The following EXOC4 variants were observed in gnomAD, a reference collection of about 807,000 sequenced individuals.
EXOC4 encodes exocyst complex component 4.
A neutral mutation model predicts 107.2 loss-of-function variants in EXOC4; 71 were observed. The ratio of observed to expected loss-of-function variants is 0.66; its 90% CI spans 0.55 to 0.81. The LOEUF (loss-of-function observed/expected upper bound fraction) is 0.81. Ranked by LOEUF, EXOC4 falls within the 30% of genes least tolerant of loss-of-function variation. The pLI, the probability that EXOC4 is intolerant of heterozygous loss-of-function variation, is 0.00. For synonymous variants in EXOC4, 456 were observed against 441.2 expected (o/e 1.03, Z -0.42); for missense variants, 1,108 against 1,189.6 (o/e 0.93, Z 1.01).
At chr7:133,421,449 A>G (rs987205865) in intron 7 of EXOC4, among the ~76,000 whole-genome samples, 17 of 152,156 alleles carry the variant, frequency 1.1e-4, no homozygotes, top group Non-Finnish European at 7.3e-5. Context: ...GAATCCAAGG[A>G]AATTGTGGTA....
intron 14 of EXOC4, among the ~76,000 whole-genome samples, chr7:133,966,896 G>A (rs1417390545): frequency 6.6e-6 from 1 of 152,168 alleles, no homozygotes; most frequent in African/African-American, 2.4e-5. Flanking sequence ...GTTTCATAAG[G>A]AATGGCACCA....
chr7:133,770,935 A>G (rs148022430), intron 10 of EXOC4, among the ~76,000 whole-genome samples: 3 of 152,074 alleles, frequency 2.0e-5, no homozygotes, highest in East Asian at 1.9e-4. Flanking sequence ...ATTCTGAAAT[A>G]TATCTGGTCC....
intron 10 of EXOC4, among the ~76,000 whole-genome samples, chr7:133,749,749 A>G (rs983692517): frequency 1.3e-5 from 2 of 152,156 alleles, no homozygotes; most frequent in African/African-American, 4.8e-5. Flanking sequence ...TTAAACTTCA[A>G]AGGAATAATA....
At chr7:133,643,198 C>A (rs1368101793) in intron 10 of EXOC4, among the ~76,000 whole-genome samples, 1 of 152,158 alleles carries the variant, frequency 6.6e-6, no homozygotes, top group African/African-American at 2.4e-5. Context: ...CAATAGCCTG[C>A]AGGCTGGGGA....
intron 10 of EXOC4, among the ~76,000 whole-genome samples, chr7:133,694,069 T>G (rs888342198): frequency 2.6e-5 from 4 of 151,940 alleles, no homozygotes; most frequent in Admixed American, 6.6e-5. Context: ...ATTGAGACCA[T>G]CCTGGCCAAC....
chr7:133,433,556 A>T (rs1190560298), intron 7 of EXOC4, among the ~76,000 whole-genome samples: 1 of 152,230 alleles, frequency 6.6e-6, no homozygotes, highest in African/African-American at 2.4e-5. Flanking sequence ...ATGAGCATAT[A>T]TGTGAGCAAG....
intron 10 of EXOC4, among the ~76,000 whole-genome samples, chr7:133,710,765 A>G (rs1033911608): frequency 2.0e-5 from 3 of 152,132 alleles, no homozygotes; most frequent in Non-Finnish European, 4.4e-5. Context: ...AGAGACAGAA[A>G]TGTATTTCAG....
Position 133,861,708 on chromosome 7 carries a change from A to G in EXOC4, c.1735-33891A>G, listed in dbSNP as rs1798537392. ...GCCACCATGCCTGGCTAATTTTTGT[A>G]TTTTTAGTAGAGATGGGGTTTCACC... On this transcript the variant is annotated intron_variant, in intron 11 of 17. Transcript: ENST00000253861. Among the ~76,000 whole-genome samples, 4 of 151,888 alleles carry G rather than the reference A, an allele frequency of 2.6e-5. No homozygotes were observed. The South Asian group carries it at 8.3e-4, about 32-fold the overall frequency.
chr7:133,856,968 A>G lies in EXOC4; in HGVS notation c.1735-38631A>G, dbSNP rs537184000. The stretch of plus-strand genomic sequence containing the variant: ...ACAAAAAAATTAGGCCTGGTGGCAC[A>G]TGCCTGTAGTCCCAGCTACTTGGGA... On this transcript the variant is annotated intron_variant, in intron 11 of 17. Coordinates refer to ENST00000253861, the MANE Select transcript of EXOC4 (RefSeq NM_021807.4). Among the ~76,000 whole-genome samples the G allele has an allele frequency of 3.8e-4, 57 of 149,858 alleles. 3 individuals are homozygous for G. In the South Asian group the frequency reaches 0.01, roughly 27 times the overall value.
chr7:134,099,522 C>CTTT, the EXOC4 span, among the ~76,000 whole-genome samples: 38 of 103,936 alleles, frequency 3.7e-4, no homozygotes, highest in Non-Finnish European at 5.7e-4. Context: ...CATCACACTT[C>CTTT]TTTTTTTTTT....
the EXOC4 span, among the ~76,000 whole-genome samples, chr7:134,084,785 A>G: frequency 6.6e-6 from 1 of 151,972 alleles, no homozygotes; most frequent in African/African-American, 2.4e-5. Context: ...AGCCTCTGTT[A>G]AAAGAAAAAC....
At chr7:134,059,494 C>G (rs894661780) in intron 17 of EXOC4, among the ~76,000 whole-genome samples, 49 of 152,246 alleles carry the variant, frequency 3.2e-4, no homozygotes, top group African/African-American at 1.0e-3. Flanking sequence ...AAAATTGTTC[C>G]ACCTCATGCA....
chr7:133,714,544 A>G (rs1794961159), intron 10 of EXOC4, among the ~76,000 whole-genome samples: 2 of 152,218 alleles, frequency 1.3e-5, no homozygotes, highest in East Asian at 1.9e-4. Context: ...AAAAGTAACA[A>G]TTGGCCCCCC....
At chr7:134,027,748 T>C (rs1047745709) in intron 17 of EXOC4, among the ~76,000 whole-genome samples, 7 of 151,970 alleles carry the variant, frequency 4.6e-5, no homozygotes, top group Non-Finnish European at 7.4e-5. Context: ...AGACGGGATT[T>C]GAATTTGGTA....
the EXOC4 span, among the ~76,000 whole-genome samples, chr7:134,080,200 G>A: frequency 6.6e-6 from 1 of 152,102 alleles, no homozygotes; most frequent in South Asian, 2.1e-4. Flanking sequence ...TCTCTAAAAT[G>A]TATCTCAAAC....
chr7:133,629,519 T>TTTTTG (rs61233634), intron 9 of EXOC4, among the ~76,000 whole-genome samples: 2,700 of 114,846 alleles, frequency 0.024, 53 homozygotes, highest in African/African-American at 0.069. Context: ...AAAGTGCTGT[T>TTTTTG]TTTTGTTTTG....
the EXOC4 span, among the ~76,000 whole-genome samples, chr7:134,074,297 TTCTC>T: frequency 6.6e-6 from 1 of 152,212 alleles, no homozygotes; most frequent in Non-Finnish European, 1.5e-5. Flanking sequence ...AAGATAAGTT[TTCTC>T]TCTCTCCTCC....
chr7:133,356,397 G>A lies in EXOC4; in HGVS notation c.831G>A (p.Leu277=). 1 of 1,614,124 alleles carries A rather than the reference G, an allele frequency of 6.2e-7. No individual in the cohort carries two copies. Residue 277 remains leucine, a synonymous_variant, in exon 6 of 18, where the codon CTG becomes CTA. Transcript: ENST00000253861. ...LELDPEENST[L]FMGILIKGLA... ...TGGATCCAGAGGAAAACAGCACCCT[G>A]TTTATGGGTATCCTCATTAAGGGCT...
chr7:133,440,932 G>A (rs1485715264), intron 7 of EXOC4, among the ~76,000 whole-genome samples: 1 of 152,146 alleles, frequency 6.6e-6, no homozygotes, highest in East Asian at 1.9e-4. Context: ...AATAAAACTT[G>A]CTTTCACTTT....
Sources: allele counts gnomAD v4.1 joint callset (sites outside exome capture counted in the v4.1 genomes callset), GRCh38; gene constraint gnomAD v4.1.1; transcripts MANE v1.5; gene names NCBI Gene and HGNC (gene_info 2026-07-23, HGNC 2026-07-21).